Variants in YEATS2 observed in about 807,000 individuals in gnomAD.
YEATS2 encodes the protein YEATS domain containing 2.
In YEATS2, 77 loss-of-function variants were observed where a neutral mutation model predicts 163.2. The observed-to-expected ratio is 0.47, with a 90% CI of 0.39 to 0.57. The LOEUF (loss-of-function observed/expected upper bound fraction) is 0.57. Among genes scored for constraint, YEATS2 ranks in the 20% least tolerant of loss-of-function variants. The pLI, the probability that YEATS2 is intolerant of heterozygous loss-of-function variation, is 0.00. For missense variants in YEATS2, 1,549 were observed against 1,729.8 expected (o/e 0.90, Z 1.85); for synonymous variants, 631 against 645.1 (o/e 0.98, Z 0.33).
intron 11 of YEATS2, among the ~76,000 whole-genome samples, chr3:183,755,741 C>CTTTTTTTTTTTTTTTTTTTTT (rs57050296): frequency 6.1e-5 from 5 of 82,206 alleles, no homozygotes; most frequent in African/African-American, 3.0e-4. Context: ...TCCTTCCTTT[C>CTTTTTTTTTTTTTTTTTTTTT]TTTTTTTTTT....
rs1178657728 is a variant in YEATS2, at chr3:183,729,936, C to T, written c.812+1085C>T. On this transcript the variant is annotated intron_variant, in intron 7 of 30. Coordinates refer to ENST00000305135, the MANE Select transcript of YEATS2 (RefSeq NM_018023.5). ...AACTCCTGACCTCAGGTGATCTGCC[C>T]GCCTTGGCCACCCAAAGTGCTGGGA... Among the ~76,000 whole-genome samples the T allele has an allele frequency of 1.1e-4, 17 of 151,486 alleles. No individual in the cohort carries two copies. In the East Asian group the frequency reaches 1.5e-3, roughly 14 times the overall value.
chr3:183,803,296 G>T lies in YEATS2; in HGVS notation c.3543G>T (p.Gln1181His). 6.2e-7 allele frequency: 1 copy of T among 1,611,948 alleles called. No homozygotes were observed. Among genetic ancestry groups the T allele is most frequent in the Non-Finnish European group, 8.5e-7 (1 of 1,179,890 alleles). The part of the protein sequence containing the change: ...ASCFSAKSVE[Q>H]YYGWNIGKRR... ...GCTTTTCTGCAAAGTCTGTGGAGCA[G>T]TACTATGGCTGGAACATTGGAAAAA... Residue 1181 changes from glutamine (Q) to histidine (H), a missense_variant, in exon 26 of 31, where the codon CAG becomes CAT. By Grantham distance (24) the Gln-to-His change is conservative. Coordinates refer to ENST00000305135, the MANE Select transcript of YEATS2 (RefSeq NM_018023.5).
chr3:183,800,322 T>C, intron 23 of YEATS2, 144 bp from the exon 24 acceptor site: 1 of 621,440 alleles, frequency 1.6e-6, no homozygotes, highest in Non-Finnish European at 2.9e-6. Flanking sequence ...ATAGGAGCCA[T>C]CTCAGTCCCC....
chr3:183,810,384 T>G (rs1028833146), intron 30 of YEATS2, 91 bp from the exon 31 acceptor site: 14 of 1,220,492 alleles, frequency 1.1e-5, no homozygotes, highest in Admixed American at 5.9e-5. Context: ...GGCCTCTGCC[T>G]GGGATGGTCC....
chr3:183,766,162 C>T (rs903468483), intron 15 of YEATS2, among the ~76,000 whole-genome samples: 3 of 152,170 alleles, frequency 2.0e-5, no homozygotes, highest in Non-Finnish European at 4.4e-5. Context: ...ATGAGCTTTG[C>T]AGTTAGAGCT....
At chr3:183,792,652 G>A (rs1250516338) in intron 21 of YEATS2, among the ~76,000 whole-genome samples, 1 of 152,022 alleles carries the variant, frequency 6.6e-6, no homozygotes, top group African/African-American at 2.4e-5. Flanking sequence ...CGACTAGCTG[G>A]GATTACAGGC....
intron 1 of YEATS2, among the ~76,000 whole-genome samples, chr3:183,705,945 C>G (rs1714573954): frequency 6.6e-6 from 1 of 151,100 alleles, no homozygotes; most frequent in Non-Finnish European, 1.5e-5. Flanking sequence ...GAGGCTGAGG[C>G]AGGAGAATGG....
intron 21 of YEATS2, among the ~76,000 whole-genome samples, 188 bp from the exon 22 acceptor site, chr3:183,797,735 A>G (rs1302675568): frequency 2.0e-5 from 3 of 152,042 alleles, no homozygotes; most frequent in African/African-American, 7.3e-5. Flanking sequence ...ATAAACAATT[A>G]TTGTCATGCC....
Position 183,808,241 on chromosome 3 carries a change from TTTTG to T in YEATS2, c.4086+141_4086+144del, listed in dbSNP as rs1726425244. The T allele has an allele frequency of 7.8e-6, 5 of 637,560 alleles. No homozygotes were observed. The Admixed American group carries it at 1.3e-4, about 17-fold the overall frequency. 39.5% of individuals were successfully genotyped at this position (637,560 alleles called of 1,614,324 possible). ...TCTTATTTGGGCTTAAGTTCTCTCT[TTTTG>T]TTTTTTTGTTTTTTTTCCTTCTGAT... On this transcript the variant is annotated intron_variant, in intron 29 of 30. Transcript: ENST00000305135.
At chr3:183,802,515 A>AAG (rs1560335052) in intron 25 of YEATS2, 5 of 151,388 alleles carry the variant, frequency 3.3e-5, no homozygotes, top group African/African-American at 1.2e-4. Context: ...GTGTGTATAC[A>AAG]TGTATATATA....
At chr3:183,735,774 C>T (rs75728389) in intron 7 of YEATS2, among the ~76,000 whole-genome samples, 2 of 151,984 alleles carry the variant, frequency 1.3e-5, no homozygotes, top group African/African-American at 2.4e-5. Context: ...GCTGCCTCCG[C>T]CCCCCGGGTT....
chr3:183,806,334 C>G (rs145546310), intron 27 of YEATS2: 265 of 456,448 alleles, frequency 5.8e-4, no homozygotes, highest in African/African-American at 5.0e-3. Flanking sequence ...GGACCTCACA[C>G]ACTCATCCAG....
intron 4 of YEATS2, among the ~76,000 whole-genome samples, chr3:183,720,578 C>G (rs946672807): frequency 5.9e-5 from 9 of 152,078 alleles, no homozygotes; most frequent in African/African-American, 1.9e-4. Context: ...CTGATGCTGT[C>G]TTATAGAAAC....
intron 9 of YEATS2, among the ~76,000 whole-genome samples, chr3:183,748,717 A>G (rs1330254453): frequency 6.6e-6 from 1 of 151,894 alleles, no homozygotes; most frequent in Non-Finnish European, 1.5e-5. Context: ...CTCCCACCTC[A>G]GCCTCCCAAG....
At position 183,798,058 on chromosome 3, in the gene YEATS2, C is replaced by A. The variant is rs2304752; in HGVS notation, c.3226+7C>A. The stretch of plus-strand genomic sequence containing the variant: ...CTGATGCCTGTGAATAAAGGTGAGT[C>A]CCTTGCCCACGGGTCGTCTGTGCTG... On this transcript the variant is annotated splice_region_variant and intron_variant, in intron 22 of 30. Transcript: ENST00000305135. 17 of 1,613,354 alleles carry A rather than the reference C, an allele frequency of 1.1e-5. No homozygotes were observed. The East Asian group carries it at 3.8e-4, about 36-fold the overall frequency.
chr3:183,730,896 A>AT (rs910386149), intron 7 of YEATS2, among the ~76,000 whole-genome samples: 1 of 152,202 alleles, frequency 6.6e-6, no homozygotes, highest in African/African-American at 2.4e-5. Flanking sequence ...ATATACGTAT[A>AT]TAAGAGCAGT....
rs141133936 is a variant in YEATS2 at position 183,723,121 on chromosome 3, A to G, written c.537+985A>G. On this transcript the variant is annotated intron_variant, in intron 5 of 30. Transcript: ENST00000305135. Reference sequence around the variant, plus strand: ...TTCTCTCGAGAGCAGCCGTTCTTCAACGGTTTCCTCTGTGAGACTTTATAT... The same window carrying G: ...TTCTCTCGAGAGCAGCCGTTCTTCAGCGGTTTCCTCTGTGAGACTTTATAT... Among the ~76,000 whole-genome samples, 183 of 152,350 alleles carry G rather than the reference A, an allele frequency of 1.2e-3. 1 individual carries two copies. In the East Asian group the frequency reaches 0.03, roughly 25 times the overall value.
Position 183,810,751 on chromosome 3 carries a change from A to G in YEATS2, c.*168A>G. The G allele has an allele frequency of 3.3e-6, 2 of 606,992 alleles. No homozygotes were observed. The highest frequency in any genetic ancestry group is 5.9e-6 in the Non-Finnish European group (2 of 340,380). 37.6% of individuals were successfully genotyped at this position (606,992 alleles called of 1,614,324 possible). Reference sequence around the variant, plus strand: ...GTGTCACCAGCACGCTGCACTCCAGATGAAATCCTCCTAGGACAGGAGTTT... The same window carrying G: ...GTGTCACCAGCACGCTGCACTCCAGGTGAAATCCTCCTAGGACAGGAGTTT... On this transcript the variant is annotated 3_prime_UTR_variant, in exon 31 of 31. Transcript: ENST00000305135.
intron 2 of YEATS2, among the ~76,000 whole-genome samples, chr3:183,717,377 GT>G (rs1241306633): frequency 1.3e-5 from 2 of 152,104 alleles, no homozygotes; most frequent in African/African-American, 4.8e-5. Context: ...TTCAGTTTGA[GT>G]TTGTCTAATC....
Sources: allele counts gnomAD v4.1 joint callset (sites outside exome capture counted in the v4.1 genomes callset), GRCh38; gene constraint gnomAD v4.1.1; transcripts MANE v1.5; gene names NCBI Gene and HGNC (gene_info 2026-07-23, HGNC 2026-07-21).